ATL2: variants seen among roughly 807,000 people sequenced by gnomAD.
ATL2 encodes atlastin-2.
In ATL2, 31 loss-of-function variants were observed where a neutral mutation model predicts 73.9. The observed-to-expected ratio is 0.42, with a 90% CI of 0.32 to 0.57. The LOEUF (loss-of-function observed/expected upper bound fraction) is 0.57, where lower values mean the gene tolerates loss of function less well. Among genes scored for constraint, ATL2 ranks in the 20% least tolerant of loss-of-function variants. The probability of loss-of-function intolerance (pLI) is 0.14; values close to 1 mark genes in which losing one functional copy is unlikely to be tolerated. For synonymous variants in ATL2, 291 were observed against 237.5 expected (o/e 1.23, Z -2.07); for missense variants, 738 against 702.6 (o/e 1.05, Z -0.57).
In ATL2 at chr2:38,319,027, A is replaced by G. The variant is rs367737659; in HGVS notation, c.364-8T>C. ...AATCCAACTTTGAGAATCCTGTTAA[A>G]GTCAAGGATAAATGTAAAATACAAC... On this transcript the variant is annotated splice_polypyrimidine_tract_variant and splice_region_variant and intron_variant, in intron 2 of 12. Transcript: ENST00000378954. The G allele has an allele frequency of 1.9e-6, 3 of 1,609,454 alleles. No individual in the cohort carries two copies. The highest frequency in any genetic ancestry group is 2.5e-6 in the Non-Finnish European group (3 of 1,178,498).
chr2:38,337,460 T>C (rs894076397), intron 2 of ATL2, among the ~76,000 whole-genome samples: 3 of 102,140 alleles, frequency 2.9e-5, no homozygotes, highest in African/African-American at 1.2e-4. Flanking sequence ...CACTCCAACC[T>C]TGGCGACAGA....
At chr2:38,303,968 T>A (rs1055416004) in intron 9 of ATL2, among the ~76,000 whole-genome samples, 1 of 151,986 alleles carries the variant, frequency 6.6e-6, no homozygotes, top group Admixed American at 6.6e-5. Flanking sequence ...ACGTCTCTGT[T>A]AAAAACAACA....
intron 1 of ATL2, among the ~76,000 whole-genome samples, chr2:38,344,757 A>G (rs181578085): frequency 9.2e-5 from 14 of 152,330 alleles, no homozygotes; most frequent in African/African-American, 3.4e-4. Flanking sequence ...CAGCCTCCTC[A>G]TTAAAGCAAA....
chr2:38,337,895 G>T (rs546791374), intron 2 of ATL2, among the ~76,000 whole-genome samples: 1 of 152,258 alleles, frequency 6.6e-6, no homozygotes, highest in African/African-American at 2.4e-5. Flanking sequence ...TTATCTAGGA[G>T]AATTTAGTAA....
intron 1 of ATL2, among the ~76,000 whole-genome samples, chr2:38,349,734 C>T (rs928622432): frequency 1.3e-5 from 2 of 151,800 alleles, no homozygotes; most frequent in Admixed American, 6.6e-5. Flanking sequence ...TTTGTTAACT[C>T]GAAAATTCAC....
In ATL2 at chr2:38,318,575, G is replaced by C; in HGVS notation, c.563C>G (p.Ala188Gly). ...FDSQSTIKDCATVFALSTMTS... is the reference protein window; with the variant it reads ...FDSQSTIKDCGTVFALSTMTS... ...CATAGTGCTCAGAGCAAACACCGTT[G>C]CACAGTCTTTGATAGTTGACTGGCT... Residue 188 changes from alanine (A) to glycine (G), a missense_variant, in exon 4 of 13, where the codon GCA (alanine) becomes GGA (glycine). By Grantham distance (60) the Ala-to-Gly change is moderately conservative. Transcript: ENST00000378954. 1 of 1,612,522 alleles carries C rather than the reference G, an allele frequency of 6.2e-7. No homozygotes were observed. Among genetic ancestry groups the C allele is most frequent in the Non-Finnish European group, 8.5e-7 (1 of 1,179,596 alleles).
At chr2:38,327,666 C>G (rs1668744382) in intron 2 of ATL2, among the ~76,000 whole-genome samples, 1 of 151,906 alleles carries the variant, frequency 6.6e-6, no homozygotes, top group South Asian at 2.1e-4. Context: ...TGGCCGGGCA[C>G]AGTGCACATC....
Position 38,302,897 on chromosome 2 carries a change from C to T in ATL2, c.1072-2569G>A, listed in dbSNP as rs564376106. ...TGCAAAGACTATAACAAATACCTAA[C>T]TCTTCAATGTCCAGACACCAACAAA... On this transcript the variant is annotated intron_variant, in intron 9 of 12. Transcript: ENST00000378954. Among the ~76,000 whole-genome samples the T allele has an allele frequency of 5.3e-5, 8 of 152,302 alleles. No homozygotes were observed. The South Asian group carries it at 8.3e-4, about 16-fold the overall frequency.
At chr2:38,307,240 C>A (rs566082226) in intron 9 of ATL2, among the ~76,000 whole-genome samples, 2 of 152,236 alleles carry the variant, frequency 1.3e-5, no homozygotes, top group South Asian at 4.2e-4. Flanking sequence ...TGCCTGTAAT[C>A]CCAGCTACTT....
chr2:38,353,995 C>T (rs771970811), intron 1 of ATL2: 1 of 252,302 alleles, frequency 4.0e-6, no homozygotes, highest in East Asian at 1.7e-4. Context: ...GAGATCGAGA[C>T]CATCCTGGCC....
rs113031197 is a variant in ATL2 at position 38,361,046 on chromosome 2, G to A, written c.118+16097C>T. On this transcript the variant is annotated intron_variant, in intron 1 of 12. Transcript: ENST00000378954. ...CATATGGATAAGCTTCCACACCAAC[G>A]TGGAATGAAAAAAATTAAATCAAGC... 9.3e-3 allele frequency among the ~76,000 whole-genome samples: 1,414 copies of A among 151,994 alleles called. 10 individuals are homozygous for A. The highest frequency in any genetic ancestry group is 0.016 in the Non-Finnish European group (1,069 of 67,968).
At position 38,300,344 on chromosome 2, in the gene ATL2, A is replaced by T. The variant is rs777247121; in HGVS notation, c.1072-16T>A. On this transcript the variant is annotated splice_polypyrimidine_tract_variant and intron_variant, in intron 9 of 12. Transcript: ENST00000378954. ...TGATGTAAGCCTAAAAAGGGAGAAGATTTGTTAGACTGACGGATTATGCAA... is the reference window on the plus strand; with the variant it reads ...TGATGTAAGCCTAAAAAGGGAGAAGTTTTGTTAGACTGACGGATTATGCAA... The T allele has an allele frequency of 1.3e-6, 2 of 1,594,366 alleles. No individual in the cohort carries two copies. The highest frequency in any genetic ancestry group is 1.7e-6 in the Non-Finnish European group (2 of 1,162,480).
At position 38,370,080 on chromosome 2, in the gene ATL2, G is replaced by A. The variant is rs1349450557; in HGVS notation, c.118+7063C>T. 6.7e-5 allele frequency among the ~76,000 whole-genome samples: 10 copies of A among 148,470 alleles called. No individual in the cohort carries two copies. In the East Asian group the frequency reaches 1.4e-3, roughly 21 times the overall value. ...CAGGCAGAAGAATGGCGTGAACCCC[G>A]GGGGGCGGAGCCTGCAGTGAGCCGA... On this transcript the variant is annotated intron_variant, in intron 1 of 12. Transcript: ENST00000378954.
rs548042590 is a variant in ATL2 at position 38,326,276 on chromosome 2, C to T, written c.364-7257G>A. Among the ~76,000 whole-genome samples the T allele has an allele frequency of 5.8e-4, 89 of 152,230 alleles. 1 individual carries two copies. Among genetic ancestry groups the T allele is most frequent in the Middle Eastern group, 3.4e-3 (1 of 294 alleles). On this transcript the variant is annotated intron_variant, in intron 2 of 12. Transcript: ENST00000378954. ...GTGAGAGAATAAGGAGAAACTGAAG[C>T]CTCTAGGACCTGCAGCTAAAAAACA...
intron 2 of ATL2, among the ~76,000 whole-genome samples, chr2:38,323,365 T>TG (rs1668430167): frequency 7.0e-6 from 1 of 142,060 alleles, no homozygotes; most frequent in Non-Finnish European, 1.5e-5. Context: ...TTTTTTTTTT[T>TG]TTTTTTTTTT....
chr2:38,366,113 A>C (rs996293467), intron 1 of ATL2, among the ~76,000 whole-genome samples: 2 of 151,646 alleles, frequency 1.3e-5, no homozygotes, highest in African/African-American at 2.4e-5. Flanking sequence ...AAAAAAAAAA[A>C]CAAAGATAAA....
intron 2 of ATL2, among the ~76,000 whole-genome samples, chr2:38,332,503 G>C (rs982054759): frequency 6.6e-6 from 1 of 152,234 alleles, no homozygotes; most frequent in South Asian, 2.1e-4. Flanking sequence ...ACCATGCCCC[G>C]CCAATGGAAA....
intron 2 of ATL2, among the ~76,000 whole-genome samples, chr2:38,323,442 C>A (rs1312748298): frequency 6.7e-6 from 1 of 149,808 alleles, no homozygotes; most frequent in East Asian, 1.9e-4. Flanking sequence ...GCAATCCTCC[C>A]ACCTCAGCAC....
chr2:38,320,954 G>A (rs1668286440), intron 2 of ATL2, among the ~76,000 whole-genome samples: 1 of 151,552 alleles, frequency 6.6e-6, no homozygotes, highest in South Asian at 2.1e-4. Flanking sequence ...AGACCAGCCT[G>A]GCCTTGGTGA....
Sources: gnomAD v4.1 joint callset for allele counts (sites outside exome capture counted in the v4.1 genomes callset) on GRCh38, gnomAD v4.1.1 for gene constraint, MANE v1.5 for transcripts, NCBI Gene and HGNC (gene_info 2026-07-23, HGNC 2026-07-21) for gene names.